Variants in PARD3 observed in about 807,000 individuals in gnomAD.
PARD3 encodes the protein partitioning defective 3 homolog.
In PARD3, 75 loss-of-function variants were observed where a neutral mutation model predicts 155.4. The observed-to-expected ratio is 0.48, with a 90% CI of 0.40 to 0.58. The LOEUF (loss-of-function observed/expected upper bound fraction) is 0.58, where lower values mean the gene tolerates loss of function less well. Ranked by LOEUF, PARD3 falls within the 20% of genes least tolerant of loss-of-function variation. The probability of loss-of-function intolerance (pLI) is 0.00; values close to 1 mark genes in which losing one functional copy is unlikely to be tolerated. For synonymous variants in PARD3, 576 were observed against 610.5 expected, an observed-to-expected ratio of 0.94 and a Z score of 0.83; for missense variants, 1,642 against 1,721.7, an observed-to-expected ratio of 0.95 and a Z score of 0.82.
chr10:34,120,062 G>C (rs2132682431), intron 23 of PARD3, among the ~76,000 whole-genome samples: 1 of 123,434 alleles, frequency 8.1e-6, no homozygotes, highest in Middle Eastern at 6.3e-3. Context: ...TGTCACCCAA[G>C]CAGGAGTGCA....
At chr10:34,605,954 ATATATATCTCCTATATC>A (rs2090360472) in intron 2 of PARD3, among the ~76,000 whole-genome samples, 8 of 122,904 alleles carry the variant, frequency 6.5e-5, no homozygotes, top group African/African-American at 2.2e-4. Context: ...TCTCCTATAT[ATATATATCTCCTATATC>A]TATATCTCCT....
At chr10:34,767,052 G>C (rs59231777) in intron 1 of PARD3, among the ~76,000 whole-genome samples, 3,078 of 152,224 alleles carry the variant, frequency 0.02, 102 homozygotes, top group African/African-American at 0.07. Flanking sequence ...CATTCATAAA[G>C]ATGGCCTGAG....
At chr10:34,209,068 A>T (rs572503033) in intron 22 of PARD3, among the ~76,000 whole-genome samples, 1 of 152,364 alleles carries the variant, frequency 6.6e-6, no homozygotes, top group East Asian at 1.9e-4. Context: ...TATTCTGACT[A>T]GGAATAAAAA....
chr10:34,356,705 GAGA>G (rs1337014342), intron 14 of PARD3, among the ~76,000 whole-genome samples: 5 of 152,164 alleles, frequency 3.3e-5, no homozygotes, highest in African/African-American at 9.7e-5. Flanking sequence ...GTGTGCAAAG[GAGA>G]AGGTTTTCCT....
intron 14 of PARD3, among the ~76,000 whole-genome samples, chr10:34,358,849 A>T (rs956634458): frequency 6.6e-6 from 1 of 152,230 alleles, no homozygotes; most frequent in African/African-American, 2.4e-5. Flanking sequence ...GTTGGCTCTG[A>T]GAAGGAAGAT....
chr10:34,751,442 C>T (rs1319573024), intron 1 of PARD3, among the ~76,000 whole-genome samples: 2 of 152,172 alleles, frequency 1.3e-5, no homozygotes, highest in African/African-American at 2.4e-5. Context: ...TTATCTATTG[C>T]AGGAGCTGGC....
At position 34,187,298 on chromosome 10, in the gene PARD3, C is replaced by G. The variant is rs180871334; in HGVS notation, c.3420-55715G>C. Reference sequence around the variant, plus strand: ...CTCAGTGCTATTGAAGTGGCTCCACCATGACAATGCAGGGAACTGTCATTT... The same window carrying G: ...CTCAGTGCTATTGAAGTGGCTCCACGATGACAATGCAGGGAACTGTCATTT... On this transcript the variant is annotated intron_variant, in intron 22 of 24. Coordinates refer to ENST00000374788, the MANE Select transcript of PARD3 (RefSeq NM_001184785.2). 1.6e-3 allele frequency among the ~76,000 whole-genome samples: 244 copies of G among 152,274 alleles called. 2 individuals carry two copies. The highest frequency in any genetic ancestry group is 5.7e-3 in the African/African-American group (238 of 41,554).
At chr10:34,310,746 T>C (rs1247643788) in intron 20 of PARD3, among the ~76,000 whole-genome samples, 1 of 152,212 alleles carries the variant, frequency 6.6e-6, no homozygotes, top group East Asian at 1.9e-4. Context: ...TTTTCCTGTG[T>C]TAAAAATGGG....
chr10:34,293,493 A>G (rs527819302), intron 20 of PARD3, among the ~76,000 whole-genome samples: 22 of 152,300 alleles, frequency 1.4e-4, no homozygotes, highest in African/African-American at 5.1e-4. Context: ...TACTATATAT[A>G]TACTTTAAAT....
chr10:34,645,261 A>AGT (rs1326477344), intron 2 of PARD3, among the ~76,000 whole-genome samples: 3 of 151,948 alleles, frequency 2.0e-5, no homozygotes, highest in African/African-American at 7.3e-5. Flanking sequence ...ACTGGAGTGC[A>AGT]GTGATATGAT....
intron 1 of PARD3, among the ~76,000 whole-genome samples, chr10:34,790,011 C>G (rs1274071600): frequency 6.6e-6 from 1 of 152,172 alleles, no homozygotes; most frequent in Non-Finnish European, 1.5e-5. Context: ...ACAGACAATT[C>G]AGTGGCAGGA....
At chr10:34,763,625 A>C (rs114470698) in intron 1 of PARD3, among the ~76,000 whole-genome samples, 7 of 152,336 alleles carry the variant, frequency 4.6e-5, no homozygotes, top group African/African-American at 1.7e-4. Flanking sequence ...CACCCCACCA[A>C]GGCCAAAGCA....
intron 1 of PARD3, among the ~76,000 whole-genome samples, chr10:34,783,692 G>C (rs975267978): frequency 6.8e-6 from 1 of 146,982 alleles, no homozygotes; most frequent in Non-Finnish European, 1.5e-5. Context: ...TGTCACAAAA[G>C]TATAATCAAC....
At chr10:34,455,961 C>T (rs1240294315) in intron 4 of PARD3, among the ~76,000 whole-genome samples, 4 of 152,202 alleles carry the variant, frequency 2.6e-5, no homozygotes, top group African/African-American at 9.6e-5. Context: ...AGCACTGGTA[C>T]ATGTATACAT....
intron 2 of PARD3, among the ~76,000 whole-genome samples, chr10:34,546,058 TATA>T (rs2084020680): frequency 6.6e-6 from 1 of 152,196 alleles, no homozygotes; most frequent in African/African-American, 2.4e-5. Flanking sequence ...AAAGTATACT[TATA>T]ATAAAATGAA....
chr10:34,281,240 A>G (rs1321058407), intron 21 of PARD3, among the ~76,000 whole-genome samples: 1 of 152,198 alleles, frequency 6.6e-6, no homozygotes, highest in Admixed American at 6.5e-5. Context: ...GCATGCCTGA[A>G]ACACAAGTCA....
At chr10:34,689,666 T>C (rs1389946875) in intron 2 of PARD3, among the ~76,000 whole-genome samples, 2 of 152,180 alleles carry the variant, frequency 1.3e-5, no homozygotes, top group Non-Finnish European at 2.9e-5. Context: ...ATAGGAAATA[T>C]GATAAAAGAT....
intron 14 of PARD3, among the ~76,000 whole-genome samples, chr10:34,349,190 T>A (rs902812437): frequency 2.0e-5 from 3 of 152,152 alleles, no homozygotes; most frequent in East Asian, 1.9e-4. Context: ...CTGTCGCACT[T>A]CCTTCAGCTG....
intron 22 of PARD3, among the ~76,000 whole-genome samples, chr10:34,219,358 T>A (rs1952164893): frequency 6.6e-6 from 1 of 152,174 alleles, no homozygotes; most frequent in South Asian, 2.1e-4. Context: ...GGAAAAAAAA[T>A]GGTTCCATTT....
Sources: gnomAD v4.1 joint callset for allele counts (sites outside exome capture counted in the v4.1 genomes callset) on GRCh38, gnomAD v4.1.1 for gene constraint, MANE v1.5 for transcripts, NCBI Gene and HGNC (gene_info 2026-07-23, HGNC 2026-07-21) for gene names.